Variants in KLHL8 observed in about 807,000 individuals in gnomAD.
KLHL8 encodes the protein kelch-like protein 8.
KLHL8 carries 38 observed loss-of-function variants against 63.5 expected under a neutral mutation model. The ratio of observed to expected loss-of-function variants is 0.60; its 90% CI spans 0.46 to 0.78. The LOEUF is 0.78. KLHL8 is among the 30% of genes least tolerant of loss of function. KLHL8 has a pLI of 0.00. For synonymous variants in KLHL8, 224 were observed against 254.3 expected, an observed-to-expected ratio of 0.88 and a Z score of 1.13; for missense variants, 566 against 752.4, an observed-to-expected ratio of 0.75 and a Z score of 2.90.
chr4:87,181,422 G>A (rs1296301890), intron 4 of KLHL8, among the ~76,000 whole-genome samples: 1 of 151,934 alleles, frequency 6.6e-6, no homozygotes, highest in Non-Finnish European at 1.5e-5. Context: ...AAAGAAATCT[G>A]TTTATAAGTA....
intron 4 of KLHL8, 99 bp from the exon 5 acceptor site, chr4:87,178,719 G>GT: frequency 8.4e-7 from 1 of 1,187,948 alleles, no homozygotes; most frequent in Non-Finnish European, 1.1e-6. Context: ...ACAAAAAAAA[G>GT]TTATTTGGAT....
intron 4 of KLHL8, among the ~76,000 whole-genome samples, chr4:87,182,314 T>C (rs984727230): frequency 6.6e-6 from 1 of 152,010 alleles, no homozygotes; most frequent in Non-Finnish European, 1.5e-5. Context: ...ACTAATTATC[T>C]AGAAGAACTA....
chr4:87,227,818 G>A (rs1188520896), intron 1 of KLHL8, among the ~76,000 whole-genome samples: 1 of 152,138 alleles, frequency 6.6e-6, no homozygotes, highest in East Asian at 1.9e-4. Context: ...CTGTGTCAGG[G>A]CTTTTGGTTT....
At chr4:87,178,725 T>C in intron 4 of KLHL8, 105 bp from the exon 5 acceptor site, 1 of 1,107,990 alleles carries the variant, frequency 9.0e-7, no homozygotes, top group African/African-American at 1.6e-5. Flanking sequence ...AAAAGTTATT[T>C]GGATAGTATT....
intron 1 of KLHL8, among the ~76,000 whole-genome samples, chr4:87,210,522 T>G (rs1732365559): frequency 6.6e-6 from 1 of 152,082 alleles, no homozygotes; most frequent in African/African-American, 2.4e-5. Context: ...ATTTTACAAT[T>G]CAGTTAGATG....
chr4:87,226,786 A>ATT (rs1733006586), intron 1 of KLHL8, among the ~76,000 whole-genome samples: 1 of 12,492 alleles, frequency 8.0e-5, no homozygotes, highest in South Asian at 2.3e-3. Flanking sequence ...TATATATATA[A>ATT]TATATATTAT....
chr4:87,179,892 C>T (rs1449180585), intron 4 of KLHL8, among the ~76,000 whole-genome samples: 3 of 151,300 alleles, frequency 2.0e-5, no homozygotes, highest in East Asian at 3.9e-4. Flanking sequence ...GGGCATAAAA[C>T]ACAGATTGCT....
rs950003069 is a variant in KLHL8, at chr4:87,160,287, G to A, written c.*3232C>T. On this transcript the variant is annotated 3_prime_UTR_variant, in exon 10 of 10. Transcript: ENST00000273963. The stretch of plus-strand genomic sequence containing the variant: ...TTATAGAGAAGTTTTACTGACACTT[G>A]GAATTTTACATGAAGGGGAAAGAGA... The A allele has an allele frequency of 6.6e-6, 1 of 152,092 alleles. No homozygotes were observed. Among genetic ancestry groups the A allele is most frequent in the East Asian group, 1.9e-4 (1 of 5,198 alleles). 9.4% of individuals were successfully genotyped at this position (152,092 alleles called of 1,614,324 possible).
chr4:87,210,634 A>G (rs1732369345), intron 1 of KLHL8, among the ~76,000 whole-genome samples: 1 of 152,200 alleles, frequency 6.6e-6, no homozygotes, highest in South Asian at 2.1e-4. Context: ...TACCAAAATC[A>G]ATTCTTGCAT....
intron 2 of KLHL8, among the ~76,000 whole-genome samples, chr4:87,188,550 G>A (rs1171426491): frequency 1.3e-5 from 2 of 152,036 alleles, no homozygotes; most frequent in Non-Finnish European, 2.9e-5. Context: ...ACACCCCTAT[G>A]TACCCTTTTA....
At position 87,194,972 on chromosome 4, in the gene KLHL8, C is replaced by T. The variant is rs1020636914; in HGVS notation, c.216+352G>A. Reference sequence around the variant, plus strand: ...AACTTACTTCTGTATTCAGAGTAAGCAAATACATCAAGATATTTAAATTCA... The same window carrying T: ...AACTTACTTCTGTATTCAGAGTAAGTAAATACATCAAGATATTTAAATTCA... On this transcript the variant is annotated intron_variant, in intron 2 of 9. Transcript: ENST00000273963. Among the ~76,000 whole-genome samples the T allele has an allele frequency of 6.6e-5, 10 of 152,216 alleles. No individual in the cohort carries two copies. In the East Asian group the frequency reaches 1.9e-3, roughly 29 times the overall value.
chr4:87,216,754 A>T (rs1001159646), intron 1 of KLHL8, among the ~76,000 whole-genome samples: 2 of 152,216 alleles, frequency 1.3e-5, no homozygotes, highest in Non-Finnish European at 2.9e-5. Context: ...TTAAAAAAAA[A>T]GCAGCTGACA....
At chr4:87,236,588 G>T (rs2110073977) in intron 1 of KLHL8, among the ~76,000 whole-genome samples, 1 of 150,574 alleles carries the variant, frequency 6.6e-6, no homozygotes, top group South Asian at 2.1e-4. Context: ...ACTAAGGACT[G>T]AAAATTTCAT....
chr4:87,239,056 G>A (rs1733283750), intron 1 of KLHL8, among the ~76,000 whole-genome samples: 1 of 152,050 alleles, frequency 6.6e-6, no homozygotes, highest in Non-Finnish European at 1.5e-5. Context: ...CCAGAGCTCT[G>A]GATTCTTTTG....
chr4:87,176,965 TAAG>T, intron 5 of KLHL8, 97 bp from the exon 6 acceptor site: 1 of 608,730 alleles, frequency 1.6e-6, no homozygotes, highest in Non-Finnish European at 2.8e-6. Flanking sequence ...AATATCACCA[TAAG>T]TTAATTTTCA....
intron 1 of KLHL8, among the ~76,000 whole-genome samples, chr4:87,199,918 AGG>A (rs1169408717): frequency 6.6e-6 from 1 of 151,922 alleles, no homozygotes; most frequent in Non-Finnish European, 1.5e-5. Flanking sequence ...CTGATACTCG[AGG>A]ATTGTTTGAG....
upstream of KLHL8, among the ~76,000 whole-genome samples, chr4:87,221,956 AG>A (rs1255680103): frequency 6.6e-6 from 1 of 152,198 alleles, no homozygotes; most frequent in African/African-American, 2.4e-5. Flanking sequence ...GTTGGGACTC[AG>A]AAATCGATAC....
chr4:87,234,635 A>G lies in KLHL8; in HGVS notation n.57+5623T>C, dbSNP rs145506910. Among the ~76,000 whole-genome samples the G allele has an allele frequency of 7.5e-3, 1,141 of 152,314 alleles. 10 individuals are homozygous for G. Among genetic ancestry groups the G allele is most frequent in the Non-Finnish European group, 9.5e-3 (646 of 68,038 alleles). On this transcript the variant is annotated intron_variant and non_coding_transcript_variant, in intron 1 of 1. Coordinates refer to the KLHL8 transcript ENST00000506274. ...TGTATATTCTATAATACTTGATAAG[A>G]AATGACTATGTTACTGGTTTATTTA...
intron 1 of KLHL8, among the ~76,000 whole-genome samples, chr4:87,231,786 C>T (rs923295119): frequency 2.6e-5 from 4 of 151,986 alleles, no homozygotes; most frequent in Admixed American, 6.6e-5. Context: ...TTGGTAGAGA[C>T]GAGGTTTCGC....
Sources: allele counts gnomAD v4.1 joint callset (sites outside exome capture counted in the v4.1 genomes callset), GRCh38; gene constraint gnomAD v4.1.1; transcripts MANE v1.5; gene names NCBI Gene and HGNC (gene_info 2026-07-23, HGNC 2026-07-21).